The following CYP27C1 variants were observed in gnomAD, a reference collection of about 807,000 sequenced individuals.
CYP27C1 encodes cytochrome P450 family 27 subfamily C member 1, also known as cytochrome P450 27C1.
CYP27C1 carries 29 observed loss-of-function variants against 40.6 expected under a neutral mutation model. The observed-to-expected ratio is 0.71, with a 90% CI of 0.53 to 0.97. The LOEUF (loss-of-function observed/expected upper bound fraction) is 0.97. Ranked by LOEUF, CYP27C1 falls within the 50% of genes least tolerant of loss-of-function variation. The pLI, the probability that CYP27C1 is intolerant of heterozygous loss-of-function variation, is 0.00. For synonymous variants in CYP27C1, 198 were observed against 186.8 expected (o/e 1.06, Z -0.49); for missense variants, 390 against 485.8 (o/e 0.80, Z 1.85).
Position 127,194,721 on chromosome 2 carries a change from G to A in CYP27C1, c.1214+614C>T, listed in dbSNP as rs564735985. ...TTTCCTAACAAATCGATCTTGTTTCGTGTTATCTTCAGAGGAACAAAGTCA... is the reference window on the plus strand; with the variant it reads ...TTTCCTAACAAATCGATCTTGTTTCATGTTATCTTCAGAGGAACAAAGTCA... On this transcript the variant is annotated intron_variant, in intron 6 of 8. Transcript: ENST00000664447. 5.9e-5 allele frequency among the ~76,000 whole-genome samples: 9 copies of A among 152,248 alleles called. No individual in the cohort carries two copies. The East Asian group carries it at 1.5e-3, about 26-fold the overall frequency.
chr2:127,212,541 C>T (rs930371499), intron 1 of CYP27C1, among the ~76,000 whole-genome samples: 7 of 152,160 alleles, frequency 4.6e-5, no homozygotes, highest in African/African-American at 1.4e-4. Flanking sequence ...TAATCCATCA[C>T]ATAAACAGAA....
intron 8 of CYP27C1, among the ~76,000 whole-genome samples, chr2:127,190,715 G>C (rs904406062): frequency 2.0e-5 from 3 of 151,050 alleles, no homozygotes; most frequent in African/African-American, 7.3e-5. Flanking sequence ...GGGAGGCCGA[G>C]GCGATGGATC....
At chr2:127,194,842 CTT>C (rs762311494) in intron 6 of CYP27C1, among the ~76,000 whole-genome samples, 16 of 139,592 alleles carry the variant, frequency 1.1e-4, no homozygotes, top group Admixed American at 2.2e-4. Flanking sequence ...GATCTTTTTT[CTT>C]TTTTTTTTTT....
intron 1 of CYP27C1, among the ~76,000 whole-genome samples, chr2:127,211,039 C>G (rs1573906198): frequency 6.6e-6 from 1 of 152,322 alleles, no homozygotes; most frequent in South Asian, 2.1e-4. Flanking sequence ...ACAGAACTCT[C>G]TACCCCAAAT....
At chr2:127,202,951 G>A (rs1024092217) in intron 3 of CYP27C1, among the ~76,000 whole-genome samples, 1 of 151,906 alleles carries the variant, frequency 6.6e-6, no homozygotes, top group Non-Finnish European at 1.5e-5. Context: ...GGCGAATCAC[G>A]AGGTCAGGAG....
rs1473502670 is a variant in CYP27C1, at chr2:127,195,142, G to A, written c.1214+193C>T. Reference sequence around the variant, plus strand: ...TGCCTGGCCCAAAGATCTTTACAGAGAACAAGGATTATGTCGACCCATAAA... The same window carrying A: ...TGCCTGGCCCAAAGATCTTTACAGAAAACAAGGATTATGTCGACCCATAAA... On this transcript the variant is annotated intron_variant, in intron 6 of 8. Coordinates refer to ENST00000664447, the MANE Select transcript of CYP27C1 (RefSeq NM_001367502.1). The surrounding 1 kb of genome is among the most constrained non-coding windows in gnomAD (Gnocchi z 6.2). Among the ~76,000 whole-genome samples, 1 of 152,102 alleles carries A rather than the reference G, an allele frequency of 6.6e-6. No homozygotes were observed. The highest frequency in any genetic ancestry group is 1.5e-5 in the Non-Finnish European group (1 of 68,024).
Position 127,200,129 on chromosome 2 carries a change from G to A in CYP27C1, c.884-590C>T, listed in dbSNP as rs1013787501. Among the ~76,000 whole-genome samples the A allele has an allele frequency of 3.3e-5, 5 of 152,130 alleles. No homozygotes were observed. The highest frequency in any genetic ancestry group is 4.8e-5 in the African/African-American group (2 of 41,432). On this transcript the variant is annotated intron_variant, in intron 4 of 8. Transcript: ENST00000664447. This position sits in a 1 kb window ranked among gnomAD's most constrained non-coding sequence, Gnocchi z 4.2. Reference sequence around the variant, plus strand: ...CAAGTAGCTGGAATTACAGGCACGCGCCACCACGCCCAGCTAATTTTTGTA... The same window carrying A: ...CAAGTAGCTGGAATTACAGGCACGCACCACCACGCCCAGCTAATTTTTGTA...
intron 4 of CYP27C1, among the ~76,000 whole-genome samples, chr2:127,199,913 A>G (rs1378763990): frequency 6.6e-6 from 1 of 152,212 alleles, no homozygotes; most frequent in East Asian, 1.9e-4. Context: ...AAAAGGCCAC[A>G]CATTATTATC....
chr2:127,211,655 G>A (rs1410270277), intron 1 of CYP27C1, among the ~76,000 whole-genome samples: 1 of 152,108 alleles, frequency 6.6e-6, no homozygotes, highest in Non-Finnish European at 1.5e-5. Context: ...AAAGTGCTGG[G>A]ATTACAGGCG....
Position 127,202,128 on chromosome 2 carries a change from C to CT in CYP27C1, c.674-798dup, listed in dbSNP as rs1336482727. On this transcript the variant is annotated intron_variant, in intron 3 of 8. Coordinates refer to ENST00000664447, the MANE Select transcript of CYP27C1 (RefSeq NM_001367502.1). ...AACATCACCATGTTAGACCAACATG[C>CT]TTTTTTTTTTTTTGAGATGGAGTTT... 1.9e-3 allele frequency among the ~76,000 whole-genome samples: 265 copies of CT among 138,450 alleles called. 1 individual carries two copies. The highest frequency in any genetic ancestry group is 4.2e-3 in the South Asian group (18 of 4,282). 90.8% of individuals were successfully genotyped at this position (138,450 alleles called of 152,430 possible).
Position 127,209,512 on chromosome 2 carries a change from A to C in CYP27C1, c.283-3422T>G, listed in dbSNP as rs1558933239. ...AGAGCACAGAACTGGATGGAGGATCAGATGGACGAATTGACAGAAGTACAC... is the reference window on the plus strand; with the variant it reads ...AGAGCACAGAACTGGATGGAGGATCCGATGGACGAATTGACAGAAGTACAC... On this transcript the variant is annotated intron_variant, in intron 1 of 8. Transcript: ENST00000664447. This position sits in a 1 kb window ranked among gnomAD's most constrained non-coding sequence, Gnocchi z 4.1. Among the ~76,000 whole-genome samples the C allele has an allele frequency of 6.6e-6, 1 of 152,248 alleles. No individual in the cohort carries two copies. The highest frequency in any genetic ancestry group is 1.5e-5 in the Non-Finnish European group (1 of 68,046).
At chr2:127,197,321 G>C (rs912702188) in intron 5 of CYP27C1, among the ~76,000 whole-genome samples, 11 of 152,188 alleles carry the variant, frequency 7.2e-5, no homozygotes, top group African/African-American at 2.7e-4. Flanking sequence ...AGTTTATGCT[G>C]TGTGGGTTTG....
At chr2:127,214,471 A>G (rs1359140947) in intron 1 of CYP27C1, among the ~76,000 whole-genome samples, 1 of 152,200 alleles carries the variant, frequency 6.6e-6, no homozygotes, top group African/African-American at 2.4e-5. Context: ...CATATACACC[A>G]TGGAATGCTA....
chr2:127,198,186 T>TACACACACACACACAC lies in CYP27C1; in HGVS notation c.1047+1174_1047+1189dup, dbSNP rs3033450. 3.5e-4 allele frequency among the ~76,000 whole-genome samples: 52 copies of TACACACACACACACAC among 148,174 alleles called. 2 individuals carry two copies. Among genetic ancestry groups the TACACACACACACACAC allele is most frequent in the South Asian group, 1.1e-3 (5 of 4,604 alleles). ...GCTCCATTCACAGGGAATTTGTTGA[T>TACACACACACACACAC]ACACACACACACACACACACACACA... On this transcript the variant is annotated intron_variant, in intron 5 of 8. Coordinates refer to ENST00000664447, the MANE Select transcript of CYP27C1 (RefSeq NM_001367502.1).
chr2:127,207,257 G>T (rs1384010210), intron 1 of CYP27C1, among the ~76,000 whole-genome samples: 1 of 152,154 alleles, frequency 6.6e-6, no homozygotes, highest in Non-Finnish European at 1.5e-5. Flanking sequence ...CACTTTGGGA[G>T]GCCAAGGCGA....
chr2:127,205,002 G>T lies in CYP27C1; in HGVS notation c.473+898C>A, dbSNP rs1053277550. On this transcript the variant is annotated intron_variant, in intron 2 of 8. Coordinates refer to ENST00000664447, the MANE Select transcript of CYP27C1 (RefSeq NM_001367502.1). ...AAGCCAGCCCGGCGCCTGGGCCTAG[G>T]CACTGCCCTTCCCTTTGCTGTCCAC... 2.0e-5 allele frequency among the ~76,000 whole-genome samples: 3 copies of T among 152,160 alleles called. No individual in the cohort carries two copies. The East Asian group carries it at 5.8e-4, about 29-fold the overall frequency.
At position 127,218,268 on chromosome 2, in the gene CYP27C1, T is replaced by C. The variant is rs572949795; in HGVS notation, c.282+1721A>G. Among the ~76,000 whole-genome samples the C allele has an allele frequency of 6.6e-6, 1 of 151,988 alleles. No homozygotes were observed. The highest frequency in any genetic ancestry group is 1.9e-4 in the East Asian group (1 of 5,170). ...CTGTGCCCATGGAACAAACTCTGGG[T>C]GAGGTATGAGGATAAAAGCAGATGG... On this transcript the variant is annotated intron_variant, in intron 1 of 8. Coordinates refer to ENST00000664447, the MANE Select transcript of CYP27C1 (RefSeq NM_001367502.1). The surrounding 1 kb of genome is among the most constrained non-coding windows in gnomAD (Gnocchi z 6.0).
rs762504934 is a variant in CYP27C1, at chr2:127,201,317, G to T, written c.688C>A (p.Leu230Ile). 4 of 1,614,056 alleles carry T rather than the reference G, an allele frequency of 2.5e-6. No homozygotes were observed. In the Admixed American group the frequency reaches 6.7e-5, roughly 27 times the overall value. The change falls in exon 4 of 9, where the codon CTT becomes ATT. Residue 230 changes from leucine (L) to isoleucine (I), a missense_variant. Leu to Ile is a conservative substitution (Grantham distance 5, BLOSUM62 2). Coordinates refer to ENST00000664447, the MANE Select transcript of CYP27C1 (RefSeq NM_001367502.1). The surrounding 1 kb of genome is among the most constrained non-coding windows in gnomAD (Gnocchi z 6.0). ...KYSMEGVATI[L>I]YESRLGCLEN... is the part of the protein sequence containing the mutation. ...AGGCAGCCCAAACGACTCTCATAAA[G>T]GATGGTGGCCACTCCTAGACAGGAA... is the stretch of plus-strand genomic sequence containing the variant.
At position 127,186,376 on chromosome 2, in the gene CYP27C1, T is replaced by A. The variant is rs1056766653; in HGVS notation, c.*895A>T. On this transcript the variant is annotated 3_prime_UTR_variant, in exon 9 of 9. Transcript: ENST00000664447. This position sits in a 1 kb window ranked among gnomAD's most constrained non-coding sequence, Gnocchi z 4.5. ...AAAGTATTCTTATACAGCCATTTTATTTTATTTTATTTTATTTTATTTTAT... is the reference window on the plus strand; with the variant it reads ...AAAGTATTCTTATACAGCCATTTTAATTTATTTTATTTTATTTTATTTTAT... 3 of 147,254 alleles carry A rather than the reference T, an allele frequency of 2.0e-5. No individual in the cohort carries two copies. The highest frequency in any genetic ancestry group is 7.7e-5 in the African/African-American group (3 of 38,882). 9.1% of individuals were successfully genotyped at this position (147,254 alleles called of 1,614,324 possible).
Sources: gnomAD v4.1 joint callset for allele counts (sites outside exome capture counted in the v4.1 genomes callset) on GRCh38, gnomAD v4.1.1 for gene constraint, Gnocchi (gnomAD v3.1) non-coding constraint, MANE v1.5 for transcripts, NCBI Gene and HGNC (gene_info 2026-07-23, HGNC 2026-07-21) for gene names.